The following GRIK4 variants were observed in gnomAD, a reference collection of about 807,000 sequenced individuals.
GRIK4 encodes the protein glutamate ionotropic receptor kainate type subunit 4, also known as glutamate receptor ionotropic, kainate 4.
A neutral mutation model predicts 104.9 loss-of-function variants in GRIK4; 40 were observed. The ratio of observed to expected loss-of-function variants is 0.38; its 90% CI spans 0.30 to 0.50. The LOEUF (loss-of-function observed/expected upper bound fraction) is 0.50. Ranked by LOEUF, GRIK4 falls within the 20% of genes least tolerant of loss-of-function variation. The pLI is 0.93. For missense variants in GRIK4, 1,047 were observed against 1,308.1 expected, an observed-to-expected ratio of 0.80 and a Z score of 3.08; for synonymous variants, 485 against 524.9, an observed-to-expected ratio of 0.92 and a Z score of 1.04.
chr11:120,546,554 C>T (rs772113311), intron 1 of GRIK4, among the ~76,000 whole-genome samples: 7 of 152,100 alleles, frequency 4.6e-5, no homozygotes, highest in Non-Finnish European at 2.9e-5. Context: ...GGATGCAGTC[C>T]GCATGGGAGT....
At chr11:120,695,917 A>T (rs1197390049) in intron 3 of GRIK4, among the ~76,000 whole-genome samples, 1 of 152,154 alleles carries the variant, frequency 6.6e-6, no homozygotes, top group Non-Finnish European at 1.5e-5. Flanking sequence ...CACCCCTCAC[A>T]CAGAGGCCTG....
rs1299761553 is a variant in GRIK4, at chr11:120,986,401, TC to T, written c.*142del. 1 of 1,160,308 alleles carries T rather than the reference TC, an allele frequency of 8.6e-7. No individual in the cohort carries two copies. The highest frequency in any genetic ancestry group is 1.1e-6 in the Non-Finnish European group (1 of 877,072). 71.9% of individuals were successfully genotyped at this position (1,160,308 alleles called of 1,614,324 possible). A position where few individuals can be genotyped will look rare whatever the true frequency, so the allele number is the denominator to read the frequency against. On this transcript the variant is annotated 3_prime_UTR_variant, in exon 21 of 21. Transcript: ENST00000527524. Reference sequence around the variant, plus strand: ...CGGATCCAGTCACTTTTCAAAAAGATCAAGGAGCCTGACGCCCCAGCCAGAG... The same window carrying T: ...CGGATCCAGTCACTTTTCAAAAAGATAAGGAGCCTGACGCCCCAGCCAGAG...
intron 1 of GRIK4, among the ~76,000 whole-genome samples, chr11:120,521,282 A>G (rs1947794465): frequency 6.6e-6 from 1 of 152,046 alleles, no homozygotes; most frequent in Non-Finnish European, 1.5e-5. Context: ...TGTGTTATCC[A>G]GACTGGACTC....
chr11:120,806,416 C>T (rs1952713824), intron 4 of GRIK4, among the ~76,000 whole-genome samples: 1 of 152,152 alleles, frequency 6.6e-6, no homozygotes, highest in Non-Finnish European at 1.5e-5. Flanking sequence ...CTGCCCAATG[C>T]CAAAGGCCGT....
At chr11:120,895,815 T>G (rs540351175) in intron 11 of GRIK4, among the ~76,000 whole-genome samples, 2 of 152,178 alleles carry the variant, frequency 1.3e-5, no homozygotes, top group African/African-American at 4.8e-5. Context: ...GCTTGACACA[T>G]CTAACACATC....
chr11:120,540,831 G>A (rs1297203122), intron 1 of GRIK4, among the ~76,000 whole-genome samples: 1 of 151,996 alleles, frequency 6.6e-6, no homozygotes, highest in Non-Finnish European at 1.5e-5. Context: ...ATCAAGAACA[G>A]CCAGGCACGG....
chr11:120,753,297 CTGTGTGTGTGTG>C (rs57423619), intron 3 of GRIK4, among the ~76,000 whole-genome samples: 32 of 130,274 alleles, frequency 2.5e-4, no homozygotes, highest in Admixed American at 5.9e-4. Context: ...CAACACAACT[CTGTGTGTGTGTG>C]TGTGTGTGTG....
chr11:120,814,939 C>G (rs1952905551), intron 4 of GRIK4, among the ~76,000 whole-genome samples: 1 of 152,242 alleles, frequency 6.6e-6, no homozygotes, highest in Non-Finnish European at 1.5e-5. Context: ...ATACCCCCGC[C>G]TGCCTGCCTG....
At chr11:120,539,983 G>T (rs1322130267) in intron 1 of GRIK4, among the ~76,000 whole-genome samples, 3 of 152,146 alleles carry the variant, frequency 2.0e-5, no homozygotes, top group Non-Finnish European at 4.4e-5. Flanking sequence ...GCAGCGAATC[G>T]TGGGAGTTAT....
At chr11:120,579,013 C>CT (rs1047094936) in intron 1 of GRIK4, among the ~76,000 whole-genome samples, 83 of 152,310 alleles carry the variant, frequency 5.4e-4, no homozygotes, top group Admixed American at 4.6e-3. Flanking sequence ...AAGCCATACA[C>CT]TATCCCTCTG....
At chr11:120,577,863 C>T (rs982534660) in intron 1 of GRIK4, among the ~76,000 whole-genome samples, 91 of 152,284 alleles carry the variant, frequency 6.0e-4, no homozygotes, top group African/African-American at 2.0e-3. Flanking sequence ...AGCATCTACG[C>T]AGCCACAAGC....
chr11:120,612,442 G>A (rs1481860515), intron 1 of GRIK4, among the ~76,000 whole-genome samples: 1 of 151,638 alleles, frequency 6.6e-6, no homozygotes, highest in African/African-American at 2.4e-5. Context: ...TAATTTAATG[G>A]GTAATTAATT....
At chr11:120,602,118 A>G (rs1383251336) in intron 1 of GRIK4, among the ~76,000 whole-genome samples, 2 of 151,894 alleles carry the variant, frequency 1.3e-5, no homozygotes, top group African/African-American at 4.8e-5. Flanking sequence ...CTCCTCTTTC[A>G]TCCAGCGGCT....
Position 120,905,478 on chromosome 11 carries a change from G to A in GRIK4, c.1461G>A (p.Gly487=), listed in dbSNP as rs770715080. The A allele has an allele frequency of 8.7e-6, 14 of 1,610,744 alleles. No individual in the cohort carries two copies. The highest frequency in any genetic ancestry group is 1.2e-5 in the Non-Finnish European group (14 of 1,178,464). The change falls in exon 13 of 21, where the codon GGG becomes GGA. Residue 487 remains glycine (G), a synonymous_variant. Coordinates refer to ENST00000527524, the MANE Select transcript of GRIK4 (RefSeq NM_014619.5). The surrounding 1 kb of genome is among the most constrained non-coding windows in gnomAD (Gnocchi z 5.1). ...EANGTWTGMV[G]ELIARKADLA... is the part of the protein sequence containing the mutation. ...ACGGCACCTGGACGGGAATGGTCGG[G>A]GAGCTGATCGCTAGGGTAAGGAGAG... is the stretch of plus-strand genomic sequence containing the variant.
At chr11:120,756,796 G>A (rs1416503848) in intron 3 of GRIK4, among the ~76,000 whole-genome samples, 1 of 152,154 alleles carries the variant, frequency 6.6e-6, no homozygotes, top group Non-Finnish European at 1.5e-5. Flanking sequence ...CCTGAGGCTG[G>A]GACACAGGTG....
At chr11:120,596,881 C>A (rs1016285976) in intron 1 of GRIK4, among the ~76,000 whole-genome samples, 2 of 152,146 alleles carry the variant, frequency 1.3e-5, no homozygotes, top group African/African-American at 4.8e-5. Context: ...CCCGCCACCA[C>A]ACCCAGCTAA....
intron 1 of GRIK4, among the ~76,000 whole-genome samples, chr11:120,650,517 A>C (rs985858621): frequency 3.9e-5 from 6 of 152,170 alleles, no homozygotes; most frequent in African/African-American, 1.4e-4. Flanking sequence ...AGACCTGGCT[A>C]ACTCAAGTCA....
At chr11:120,826,032 C>T (rs774676734) in intron 6 of GRIK4, among the ~76,000 whole-genome samples, 16 of 152,206 alleles carry the variant, frequency 1.1e-4, no homozygotes, top group Non-Finnish European at 1.6e-4. Context: ...CCAGGAAGGT[C>T]ACAGTCCTCC....
chr11:120,754,001 C>A (rs1173438428), intron 3 of GRIK4, among the ~76,000 whole-genome samples: 1 of 152,110 alleles, frequency 6.6e-6, no homozygotes, highest in African/African-American at 2.4e-5. Flanking sequence ...TGCTCATGTA[C>A]TTTCTGTGTC....
Sources: allele counts gnomAD v4.1 joint callset (sites outside exome capture counted in the v4.1 genomes callset), GRCh38; gene constraint gnomAD v4.1.1; non-coding constraint Gnocchi (gnomAD v3.1); transcripts MANE v1.5; gene names NCBI Gene and HGNC (gene_info 2026-07-23, HGNC 2026-07-21).